The following ANKFY1 variants were observed in gnomAD, a reference collection of about 807,000 sequenced individuals.
ANKFY1 encodes ankyrin repeat and FYVE domain containing 1, also known as ankyrin repeat and FYVE domain-containing protein 1.
A neutral mutation model predicts 128.3 loss-of-function variants in ANKFY1; 47 were observed. The observed-to-expected ratio is 0.37, with a 90% CI of 0.29 to 0.47. The LOEUF (loss-of-function observed/expected upper bound fraction) is 0.47. Among genes scored for constraint, ANKFY1 ranks in the 20% least tolerant of loss-of-function variants. The pLI, the probability that ANKFY1 is intolerant of heterozygous loss-of-function variation, is 1.00. For missense variants in ANKFY1, 1,222 were observed against 1,510.6 expected (o/e 0.81, Z 3.17); for synonymous variants, 553 against 601.6 (o/e 0.92, Z 1.18).
At chr17:4,197,050 T>C (rs2059838296) in intron 8 of ANKFY1, among the ~76,000 whole-genome samples, 1 of 152,002 alleles carries the variant, frequency 6.6e-6, no homozygotes, top group Non-Finnish European at 1.5e-5. Context: ...GCTCAGGAGG[T>C]AGAGGCTGCA....
Position 4,164,163 on chromosome 17 carries a change from A to G in ANKFY1, c.*3616T>C, listed in dbSNP as rs1432312506. On this transcript the variant is annotated 3_prime_UTR_variant, in exon 25 of 25. Transcript: ENST00000341657. The stretch of plus-strand genomic sequence containing the variant: ...TCACACAGGGATGTCGTAACAGCCA[A>G]CTCCACACATCTGCCAAAAAAGAGC... 6.6e-6 allele frequency: 1 copy of G among 152,490 alleles called. No individual in the cohort carries two copies. The highest frequency in any genetic ancestry group is 1.5e-5 in the Non-Finnish European group (1 of 68,026). The allele number at this position is 152,490 out of a possible 1,614,324, so 9.4% of individuals were successfully genotyped here.
rs927504526 is a variant in ANKFY1 at position 4,242,393 on chromosome 17, C to T, written c.66G>A (p.Lys22=). 1 of 1,599,870 alleles carries T rather than the reference C, an allele frequency of 6.3e-7. No individual in the cohort carries two copies. Among genetic ancestry groups the T allele is most frequent in the Non-Finnish European group, 8.5e-7 (1 of 1,174,436 alleles). ...HLMLLRQEYV[K]LQKKLAETEK... ...CTGTCTCCGCCAGCTTCTTCTGCAG[C>T]TTGACATACTCCTGCCGCAGAAGCA... is the stretch of plus-strand genomic sequence containing the variant. The change falls in exon 2 of 25, where the codon AAG becomes AAA. Residue 22 remains lysine (K), a synonymous_variant. Transcript: ENST00000341657.
At chr17:4,224,941 GTT>G (rs963635669) in intron 3 of ANKFY1, among the ~76,000 whole-genome samples, 11 of 131,946 alleles carry the variant, frequency 8.3e-5, no homozygotes, top group African/African-American at 1.9e-4. Context: ...TTGAGTTGTC[GTT>G]TTTTTTTTTT....
intron 14 of ANKFY1, among the ~76,000 whole-genome samples, chr17:4,182,959 A>G (rs1427106051): frequency 6.6e-6 from 1 of 151,966 alleles, no homozygotes; most frequent in Non-Finnish European, 1.5e-5. Flanking sequence ...TACAAAAATG[A>G]GCTGGGCGTG....
At position 4,165,062 on chromosome 17, in the gene ANKFY1, A is replaced by G. The variant is rs992257153; in HGVS notation, c.*2717T>C. The G allele has an allele frequency of 6.6e-6, 1 of 152,414 alleles. No individual in the cohort carries two copies. Among genetic ancestry groups the G allele is most frequent in the Non-Finnish European group, 1.5e-5 (1 of 68,038 alleles). The allele number at this position is 152,414 out of a possible 1,614,324, so 9.4% of individuals were successfully genotyped here. A position where few individuals can be genotyped will look rare whatever the true frequency, so the allele number is the denominator to read the frequency against. The stretch of plus-strand genomic sequence containing the variant: ...CACGAAAAAGATGACTGAAAGTTCA[A>G]AAGTCCTAAGTGTAGGCACTTAAGT... On this transcript the variant is annotated 3_prime_UTR_variant, in exon 25 of 25. Coordinates refer to ENST00000341657, the MANE Select transcript of ANKFY1 (RefSeq NM_001330063.2).
At chr17:4,180,896 A>G (rs555357306) in intron 16 of ANKFY1, 2 of 196,002 alleles carry the variant, frequency 1.0e-5, no homozygotes, top group East Asian at 2.3e-4. Context: ...AGAGCCTGTT[A>G]CGACTCACAC....
intron 22 of ANKFY1, among the ~76,000 whole-genome samples, chr17:4,171,510 C>A (rs929833845): frequency 6.6e-6 from 1 of 152,172 alleles, no homozygotes; most frequent in Non-Finnish European, 1.5e-5. Context: ...ATTCTTCCCA[C>A]TATCAAATGA....
chr17:4,175,714 T>C (rs1242595233), intron 19 of ANKFY1, among the ~76,000 whole-genome samples: 1 of 152,164 alleles, frequency 6.6e-6, no homozygotes, highest in Non-Finnish European at 1.5e-5. Flanking sequence ...GGACTCTCCA[T>C]ACGGGACGTC....
chr17:4,216,578 A>C (rs1416818448), intron 4 of ANKFY1: 41 of 284,020 alleles, frequency 1.4e-4, no homozygotes, highest in Non-Finnish European at 5.6e-5. Context: ...TCACATATTC[A>C]TTTAGGCACT....
At chr17:4,172,521 A>C in intron 22 of ANKFY1, 35 bp downstream of exon 22, 1 of 1,598,630 alleles carries the variant, frequency 6.3e-7, no homozygotes, top group Non-Finnish European at 8.5e-7. Flanking sequence ...AAGGTGCGCA[A>C]GTGAGACGGG....
chr17:4,222,234 C>A (rs2060334093), intron 3 of ANKFY1: 1 of 377,458 alleles, frequency 2.6e-6, no homozygotes, highest in South Asian at 4.0e-5. Flanking sequence ...CCCCGCGGAC[C>A]CCGGAGCTGC....
rs1257295659 is a variant in ANKFY1, at chr17:4,164,153, G to GT, written c.*3625dup. The GT allele has an allele frequency of 6.6e-6, 1 of 152,520 alleles. No homozygotes were observed. The highest frequency in any genetic ancestry group is 1.5e-5 in the Non-Finnish European group (1 of 68,030). 9.4% of individuals were successfully genotyped at this position (152,520 alleles called of 1,614,324 possible). A position where few individuals can be genotyped will look rare whatever the true frequency, so the allele number is the denominator to read the frequency against. On this transcript the variant is annotated 3_prime_UTR_variant, in exon 25 of 25. Transcript: ENST00000341657. The stretch of plus-strand genomic sequence containing the variant: ...TCCTCTGGGATCACACAGGGATGTC[G>GT]TAACAGCCAACTCCACACATCTGCC...
intron 18 of ANKFY1, 26 bp from the exon 19 acceptor site, chr17:4,177,328 T>C: frequency 6.5e-7 from 1 of 1,544,578 alleles, no homozygotes. Flanking sequence ...CAAAGCAAAA[T>C]ATTAGTTCCC....
At chr17:4,168,996 C>T (rs1429843526) in intron 24 of ANKFY1, 10 of 540,626 alleles carry the variant, frequency 1.8e-5, no homozygotes, top group East Asian at 1.2e-4. Context: ...GAAAGCCACC[C>T]GTCTGCAGGC....
chr17:4,172,492 T>C, intron 22 of ANKFY1, 64 bp downstream of exon 22: 1 of 1,581,858 alleles, frequency 6.3e-7, no homozygotes, highest in Non-Finnish European at 8.6e-7. Context: ...GTGCCTGGGC[T>C]CTTGCTTTTC....
At chr17:4,190,790 C>T (rs530669958) in intron 10 of ANKFY1, among the ~76,000 whole-genome samples, 3 of 152,100 alleles carry the variant, frequency 2.0e-5, no homozygotes, top group Non-Finnish European at 4.4e-5. Flanking sequence ...ATGTCAACAG[C>T]TATACTATTT....
In ANKFY1 at chr17:4,177,309, C is replaced by T. The variant is rs753536252; in HGVS notation, c.2599-7G>A. 5 of 1,574,326 alleles carry T rather than the reference C, an allele frequency of 3.2e-6. No individual in the cohort carries two copies. The Admixed American group carries it at 7.3e-5, about 23-fold the overall frequency. Reference sequence around the variant, plus strand: ...TCCGGCCCTTGTTATCCACCTACAGCAACAAGTGCAAAGCAAAATATTAGT... The same window carrying T: ...TCCGGCCCTTGTTATCCACCTACAGTAACAAGTGCAAAGCAAAATATTAGT... On this transcript the variant is annotated splice_polypyrimidine_tract_variant and splice_region_variant and intron_variant, in intron 18 of 24. Transcript: ENST00000341657.
In ANKFY1 at chr17:4,177,110, C is replaced by T; in HGVS notation, c.2775+16G>A. 4 of 1,569,596 alleles carry T rather than the reference C, an allele frequency of 2.5e-6. No individual in the cohort carries two copies. Among genetic ancestry groups the T allele is most frequent in the South Asian group, 1.2e-5 (1 of 82,822 alleles). On this transcript the variant is annotated intron_variant, in intron 19 of 24. Coordinates refer to ENST00000341657, the MANE Select transcript of ANKFY1 (RefSeq NM_001330063.2). ...TGACAACATATTATTACATGCAATACTTCTGTGTCACTTACCAAATTGCGG... is the reference window on the plus strand; with the variant it reads ...TGACAACATATTATTACATGCAATATTTCTGTGTCACTTACCAAATTGCGG...
At chr17:4,242,840 A>T (rs1447881517) in intron 1 of ANKFY1, among the ~76,000 whole-genome samples, 1 of 152,244 alleles carries the variant, frequency 6.6e-6, no homozygotes, top group Non-Finnish European at 1.5e-5. Context: ...GCTCAATATT[A>T]TACAGTATAT....
Sources: allele counts gnomAD v4.1 joint callset (sites outside exome capture counted in the v4.1 genomes callset), GRCh38; gene constraint gnomAD v4.1.1; transcripts MANE v1.5; gene names NCBI Gene and HGNC (gene_info 2026-07-23, HGNC 2026-07-21).